GRM5: variants seen among roughly 807,000 people sequenced by gnomAD.
The protein encoded by GRM5 is metabotropic glutamate receptor 5.
Under a neutral mutation model 83.1 loss-of-function variants are expected in GRM5, and 19 were observed. That is an observed-to-expected ratio of 0.23 (90% CI 0.16 to 0.34). GRM5 has a LOEUF of 0.34. Among genes scored for constraint, GRM5 ranks in the 10% least tolerant of loss-of-function variants. The pLI is 1.00. For missense variants in GRM5, 1,160 were observed against 1,588.3 expected (o/e 0.73, Z 4.58); for synonymous variants, 675 against 633.6 (o/e 1.07, Z -0.98).
intron 8 of GRM5, among the ~76,000 whole-genome samples, chr11:88,544,179 C>T (rs1395265566): frequency 6.6e-6 from 1 of 152,126 alleles, no homozygotes; most frequent in Non-Finnish European, 1.5e-5. Flanking sequence ...TCCCAGTCTT[C>T]AGAACTGAGA....
chr11:88,635,913 A>G (rs1373123487), intron 4 of GRM5, among the ~76,000 whole-genome samples: 2 of 152,230 alleles, frequency 1.3e-5, no homozygotes, highest in African/African-American at 4.8e-5. Flanking sequence ...GATATCCAGT[A>G]AATGATACTA....
chr11:88,838,084 C>CAAAAAAAAAAAAAAAAAAAAAAAAAAAAA (rs1157680177), intron 3 of GRM5, among the ~76,000 whole-genome samples: 2 of 55,452 alleles, frequency 3.6e-5, no homozygotes, highest in African/African-American at 6.0e-5. Flanking sequence ...GACTCCATCT[C>CAAAAAAAAAAAAAAAAAAAAAAAAAAAAA]AAAAAAAAAA....
chr11:89,002,820 C>T (rs952880467), intron 2 of GRM5, among the ~76,000 whole-genome samples: 3 of 152,034 alleles, frequency 2.0e-5, no homozygotes, highest in Non-Finnish European at 2.9e-5. Context: ...GCTTCCCCCC[C>T]AGAGAGCCAC....
chr11:88,732,888 G>T (rs2135408204), intron 3 of GRM5, among the ~76,000 whole-genome samples: 1 of 152,152 alleles, frequency 6.6e-6, no homozygotes, highest in East Asian at 1.9e-4. Context: ...CCAGGACTGA[G>T]TGGCAGGGAT....
intron 3 of GRM5, among the ~76,000 whole-genome samples, chr11:88,739,753 C>T (rs1217717055): frequency 2.0e-5 from 3 of 151,992 alleles, no homozygotes; most frequent in South Asian, 2.1e-4. Context: ...TCATGATTGT[C>T]GGTTTCCTGA....
At chr11:88,595,425 G>A (rs554251232) in intron 6 of GRM5, among the ~76,000 whole-genome samples, 235 of 151,872 alleles carry the variant, frequency 1.5e-3, no homozygotes, top group African/African-American at 5.5e-3. Flanking sequence ...CTACCCTCTA[G>A]TATGCTCTGT....
chr11:88,914,952 C>T (rs559683627), intron 2 of GRM5, among the ~76,000 whole-genome samples: 2 of 152,060 alleles, frequency 1.3e-5, no homozygotes, highest in African/African-American at 2.4e-5. Context: ...TTCAATTTGC[C>T]TCAATATTCA....
chr11:88,901,965 A>G (rs1207985202), intron 2 of GRM5, among the ~76,000 whole-genome samples: 1 of 152,136 alleles, frequency 6.6e-6, no homozygotes, highest in Non-Finnish European at 1.5e-5. Flanking sequence ...GAATTATACA[A>G]GTAGTTCCCA....
chr11:88,890,109 G>A (rs1945117121), intron 2 of GRM5, among the ~76,000 whole-genome samples: 1 of 56,548 alleles, frequency 1.8e-5, no homozygotes, highest in African/African-American at 6.5e-5. Context: ...TGAAAGATAT[G>A]GAAACATCCC....
intron 3 of GRM5, among the ~76,000 whole-genome samples, chr11:88,791,449 C>G (rs751117199): frequency 6.6e-6 from 1 of 152,166 alleles, no homozygotes; most frequent in Non-Finnish European, 1.5e-5. Context: ...TGCTGAGCTG[C>G]TACTGCTAAT....
rs1036620909 is a variant in GRM5 at position 88,676,840 on chromosome 11, G to A, written c.912-23437C>T. Among the ~76,000 whole-genome samples, 20 of 152,164 alleles carry A rather than the reference G, an allele frequency of 1.3e-4. 1 individual carries two copies. The highest frequency in any genetic ancestry group is 6.8e-3 in the Middle Eastern group (2 of 294). On this transcript the variant is annotated intron_variant, in intron 3 of 9. Coordinates refer to ENST00000305447, the MANE Select transcript of GRM5 (RefSeq NM_001143831.3). ...CACATTTTTATGTAGCACTTACTGC[G>A]TGCAAGGCATTGCATTTAATGCTTG...
chr11:88,988,615 G>C (rs1175002151), intron 2 of GRM5, among the ~76,000 whole-genome samples: 1 of 150,952 alleles, frequency 6.6e-6, no homozygotes, highest in African/African-American at 2.4e-5. Flanking sequence ...AGAGAGAAAG[G>C]TCGGGTTACC....
At chr11:88,770,240 T>A (rs1022787580) in intron 3 of GRM5, among the ~76,000 whole-genome samples, 3 of 152,026 alleles carry the variant, frequency 2.0e-5, no homozygotes, top group African/African-American at 7.2e-5. Context: ...TAACTACATG[T>A]AATATGGTAT....
intron 3 of GRM5, among the ~76,000 whole-genome samples, chr11:88,719,593 G>T (rs981682985): frequency 6.6e-5 from 10 of 151,982 alleles, no homozygotes; most frequent in African/African-American, 2.4e-4. Context: ...TGGGATTGCT[G>T]CATCAAATGG....
At chr11:88,573,937 T>G (rs1017971898) in intron 7 of GRM5, among the ~76,000 whole-genome samples, 5 of 152,242 alleles carry the variant, frequency 3.3e-5, no homozygotes, top group South Asian at 4.1e-4. Flanking sequence ...TTACTTAGCC[T>G]GAGCTAAAGT....
intron 8 of GRM5, among the ~76,000 whole-genome samples, chr11:88,559,620 C>A (rs1246855790): frequency 6.6e-6 from 1 of 152,170 alleles, no homozygotes; most frequent in Admixed American, 6.5e-5. Context: ...CTAGCTTCAG[C>A]CTTTTCTTGT....
chr11:88,558,700 C>T (rs1942683378), intron 8 of GRM5, among the ~76,000 whole-genome samples: 1 of 146,446 alleles, frequency 6.8e-6, no homozygotes, highest in South Asian at 2.2e-4. Flanking sequence ...ACTTGGGAGG[C>T]TGAGGCAGGA....
At chr11:88,998,535 G>A (rs1591034763) in intron 2 of GRM5, among the ~76,000 whole-genome samples, 1 of 152,126 alleles carries the variant, frequency 6.6e-6, no homozygotes, top group African/African-American at 2.4e-5. Context: ...AGGCAAGGCT[G>A]ACCAATCTTC....
chr11:88,529,341 C>T (rs1186337889), intron 8 of GRM5, among the ~76,000 whole-genome samples: 1 of 150,716 alleles, frequency 6.6e-6, no homozygotes, highest in Admixed American at 6.6e-5. Flanking sequence ...GGTTACTTAA[C>T]CCATACTAGA....
Sources: allele counts gnomAD v4.1 joint callset (sites outside exome capture counted in the v4.1 genomes callset), GRCh38; gene constraint gnomAD v4.1.1; transcripts MANE v1.5; gene names NCBI Gene and HGNC (gene_info 2026-07-23, HGNC 2026-07-21).